The following MAP3K20 variants were observed in gnomAD, a reference collection of about 807,000 sequenced individuals.
MAP3K20 encodes the protein mitogen-activated protein kinase kinase kinase 20.
In MAP3K20, 40 loss-of-function variants were observed where a neutral mutation model predicts 85.7. The observed-to-expected ratio is 0.47, with a 90% CI of 0.36 to 0.61. The LOEUF is 0.61. Ranked by LOEUF, MAP3K20 falls within the 20% of genes least tolerant of loss-of-function variation. The pLI, the probability that MAP3K20 is intolerant of heterozygous loss-of-function variation, is 0.00. For missense variants in MAP3K20, 817 were observed against 961.7 expected (o/e 0.85, Z 1.99); for synonymous variants, 325 against 327.7 (o/e 0.99, Z 0.09).
intron 16 of MAP3K20, among the ~76,000 whole-genome samples, chr2:173,246,976 A>C (rs943002847): frequency 3.3e-5 from 5 of 152,210 alleles, no homozygotes; most frequent in African/African-American, 1.2e-4. Context: ...AAGTAGGAAG[A>C]GTAAATGAGA....
chr2:173,113,079 A>G (rs991455509), intron 2 of MAP3K20, among the ~76,000 whole-genome samples: 1 of 152,012 alleles, frequency 6.6e-6, no homozygotes, highest in African/African-American at 2.4e-5. Flanking sequence ...TTAAATTACC[A>G]TTTCAATCTC....
At position 173,158,388 on chromosome 2, in the gene MAP3K20, G is replaced by C. The variant is rs1375706659; in HGVS notation, c.160-11417G>C. 2.0e-5 allele frequency among the ~76,000 whole-genome samples: 3 copies of C among 152,266 alleles called. No homozygotes were observed. In the East Asian group the frequency reaches 5.8e-4, roughly 29 times the overall value. Reference sequence around the variant, plus strand: ...AAAAGAGGCAGAGGCAGGTGACCTGGCATCAGACTTTATTACATTTACTAG... The same window carrying C: ...AAAAGAGGCAGAGGCAGGTGACCTGCCATCAGACTTTATTACATTTACTAG... On this transcript the variant is annotated intron_variant, in intron 2 of 19. Coordinates refer to ENST00000375213, the MANE Select transcript of MAP3K20 (RefSeq NM_016653.3).
At chr2:173,089,543 A>G (rs1574001661) in intron 1 of MAP3K20, among the ~76,000 whole-genome samples, 1 of 152,092 alleles carries the variant, frequency 6.6e-6, no homozygotes, top group East Asian at 1.9e-4. Flanking sequence ...AGATTTTTTT[A>G]TCCAGAATCC....
intron 2 of MAP3K20, among the ~76,000 whole-genome samples, chr2:173,130,434 A>C (rs751143858): frequency 2.2e-4 from 34 of 152,182 alleles, no homozygotes; most frequent in Non-Finnish European, 4.3e-4. Flanking sequence ...GGGTAATGAG[A>C]ATATGTCAGT....
chr2:173,167,069 C>G (rs1471765798), intron 2 of MAP3K20, among the ~76,000 whole-genome samples: 2 of 151,980 alleles, frequency 1.3e-5, no homozygotes, highest in African/African-American at 2.4e-5. Flanking sequence ...CCCGCTACCA[C>G]GCCCGGCTAA....
intron 14 of MAP3K20, among the ~76,000 whole-genome samples, chr2:173,233,301 TG>T (rs1322342445): frequency 6.6e-6 from 1 of 152,228 alleles, no homozygotes; most frequent in Non-Finnish European, 1.5e-5. Context: ...CATTATGACC[TG>T]GAACAGACAC....
At chr2:173,083,464 C>CT (rs1470031969) in intron 1 of MAP3K20, among the ~76,000 whole-genome samples, 3 of 152,100 alleles carry the variant, frequency 2.0e-5, no homozygotes, top group Non-Finnish European at 4.4e-5. Flanking sequence ...AGCGATCCTC[C>CT]TGCCTCAGCC....
At position 173,258,764 on chromosome 2, in the gene MAP3K20, T is replaced by C. The variant is rs373885508; in HGVS notation, c.1425T>C (p.Asp475=). The C allele has an allele frequency of 1.2e-6, 2 of 1,613,274 alleles. No individual in the cohort carries two copies. Among genetic ancestry groups the C allele is most frequent in the Non-Finnish European group, 1.7e-6 (2 of 1,179,500 alleles). ...GDEIAITYIK[D]VTFNTNLPDA... is the part of the protein sequence containing the mutation. ...AAATTGCAATAACCTACATAAAAGA[T>C]GTGACATTCAACACTAACCTACCTG... Residue 475 remains aspartate, a synonymous_variant, in exon 17 of 20, where the codon GAT becomes GAC. Coordinates refer to ENST00000375213, the MANE Select transcript of MAP3K20 (RefSeq NM_016653.3).
intron 16 of MAP3K20, among the ~76,000 whole-genome samples, chr2:173,243,704 G>C (rs1357269001): frequency 6.6e-6 from 1 of 152,142 alleles, no homozygotes; most frequent in Non-Finnish European, 1.5e-5. Flanking sequence ...TGCAAGCTCC[G>C]CCTCCCGGGT....
intron 16 of MAP3K20, among the ~76,000 whole-genome samples, chr2:173,246,437 C>A (rs976806196): frequency 6.6e-6 from 1 of 152,144 alleles, no homozygotes; most frequent in Non-Finnish European, 1.5e-5. Context: ...CGACTTCATG[C>A]GCTCCCCAGG....
At chr2:173,224,777 G>A (rs1444946579) in intron 11 of MAP3K20, 1 of 985,174 alleles carries the variant, frequency 1.0e-6, no homozygotes. Context: ...GAATTCTATA[G>A]TGTCCCACTC....
intron 2 of MAP3K20, among the ~76,000 whole-genome samples, chr2:173,110,591 A>C (rs986933469): frequency 6.6e-6 from 1 of 151,696 alleles, no homozygotes; most frequent in African/African-American, 2.4e-5. Flanking sequence ...CTTTCCCCCA[A>C]ATCCCCAAAG....
At chr2:173,257,206 A>G (rs1473393418) in intron 16 of MAP3K20, among the ~76,000 whole-genome samples, 1 of 152,274 alleles carries the variant, frequency 6.6e-6, no homozygotes, top group Non-Finnish European at 1.5e-5. Flanking sequence ...AATTAAAAAG[A>G]GAAATACACA....
Position 173,145,625 on chromosome 2 carries a change from G to C in MAP3K20, c.160-24180G>C, listed in dbSNP as rs1048076377. Among the ~76,000 whole-genome samples, 7 of 152,266 alleles carry C rather than the reference G, an allele frequency of 4.6e-5. No homozygotes were observed. The East Asian group carries it at 9.6e-4, about 21-fold the overall frequency. Reference sequence around the variant, plus strand: ...AAAAAACCCAAAACACCCAGTGTTGGTGAGAATGTGAGTCAGCACATTCTC... The same window carrying C: ...AAAAAACCCAAAACACCCAGTGTTGCTGAGAATGTGAGTCAGCACATTCTC... On this transcript the variant is annotated intron_variant, in intron 2 of 19. Transcript: ENST00000375213.
intron 2 of MAP3K20, among the ~76,000 whole-genome samples, chr2:173,146,773 A>AACAGCTG (rs1380787562): frequency 6.6e-6 from 1 of 152,184 alleles, no homozygotes; most frequent in Non-Finnish European, 1.5e-5. Context: ...TCTTTAAGTA[A>AACAGCTG]CTGTCAGAGG....
intron 2 of MAP3K20, among the ~76,000 whole-genome samples, chr2:173,141,770 A>G (rs1307428760): frequency 6.6e-6 from 1 of 152,186 alleles, no homozygotes; most frequent in Admixed American, 6.5e-5. Flanking sequence ...CACCACACTC[A>G]GTCACATCAT....
chr2:173,199,043 C>A (rs769315749), intron 8 of MAP3K20, among the ~76,000 whole-genome samples: 3 of 152,190 alleles, frequency 2.0e-5, no homozygotes, highest in African/African-American at 7.2e-5. Flanking sequence ...ATTTCCAAAT[C>A]TTATCTGTGC....
At chr2:173,157,462 ACTGT>A (rs1689512721) in intron 2 of MAP3K20, among the ~76,000 whole-genome samples, 1 of 152,140 alleles carries the variant, frequency 6.6e-6, no homozygotes, top group Non-Finnish European at 1.5e-5. Context: ...TGTTCAAGAC[ACTGT>A]CTAATTGGAG....
rs1690801397 is a variant in MAP3K20 at position 173,195,522 on chromosome 2, T to TAATA, written c.583-2503_583-2500dup. ...ATATTTTTAAGGTGAAAGATCACAATAATATTTGGCCTGAATCCTCATAAC... is the reference window on the plus strand; with the variant it reads ...ATATTTTTAAGGTGAAAGATCACAATAATAAATATTTGGCCTGAATCCTCATAAC... On this transcript the variant is annotated intron_variant, in intron 7 of 19. Transcript: ENST00000375213. Among the ~76,000 whole-genome samples, 10 of 152,334 alleles carry TAATA rather than the reference T, an allele frequency of 6.6e-5. No individual in the cohort carries two copies. The South Asian group carries it at 2.1e-3, about 32-fold the overall frequency.
Sources: gnomAD v4.1 joint callset for allele counts (sites outside exome capture counted in the v4.1 genomes callset) on GRCh38, gnomAD v4.1.1 for gene constraint, MANE v1.5 for transcripts, NCBI Gene and HGNC (gene_info 2026-07-23, HGNC 2026-07-21) for gene names.